Variants in MXI1 observed in about 807,000 individuals in gnomAD.
The protein encoded by MXI1 is MAX interactor 1, dimerization protein, also known as max-interacting protein 1.
MXI1 carries 18 observed loss-of-function variants against 36.9 expected under a neutral mutation model. The observed-to-expected ratio is 0.49, with a 90% CI of 0.34 to 0.72. The LOEUF (loss-of-function observed/expected upper bound fraction) is 0.72, where lower values mean the gene tolerates loss of function less well. Ranked by LOEUF, MXI1 falls within the 30% of genes least tolerant of loss-of-function variation. The pLI is 0.01. For synonymous variants in MXI1, 160 were observed against 146.7 expected (o/e 1.09, Z -0.65); for missense variants, 304 against 379.1 (o/e 0.80, Z 1.64).
Position 110,285,225 on chromosome 10 carries a change from A to G in MXI1, c.*238A>G, listed in dbSNP as rs987292130. The G allele has an allele frequency of 8.5e-6, 3 of 352,012 alleles. No individual in the cohort carries two copies. Among genetic ancestry groups the G allele is most frequent in the Admixed American group, 4.6e-5 (1 of 21,528 alleles). The allele number at this position is 352,012 out of a possible 1,614,324, so 21.8% of individuals were successfully genotyped here. On this transcript the variant is annotated 3_prime_UTR_variant, in exon 6 of 6. Coordinates refer to ENST00000332674, the MANE Select transcript of MXI1 (RefSeq NM_130439.3). Reference sequence around the variant, plus strand: ...GAATATTCATATTGGAAAAATCACAATTTTTAATGGCAGCAGAAAACTTGT... The same window carrying G: ...GAATATTCATATTGGAAAAATCACAGTTTTTAATGGCAGCAGAAAACTTGT...
chr10:110,212,776 C>T (rs373222848), intron 1 of MXI1, among the ~76,000 whole-genome samples: 3 of 152,300 alleles, frequency 2.0e-5, no homozygotes, highest in East Asian at 3.9e-4. Context: ...AAATATTTAA[C>T]GTACCTGAGA....
intron 1 of MXI1, 22 bp from the exon 2 acceptor site, chr10:110,228,167 C>G: frequency 1.2e-6 from 2 of 1,612,998 alleles, no homozygotes; most frequent in Non-Finnish European, 1.7e-6. Context: ...CTTACCGTAT[C>G]TTTTTTTCTT....
chr10:110,270,907 T>C (rs1334522305), intron 3 of MXI1, among the ~76,000 whole-genome samples: 2 of 151,982 alleles, frequency 1.3e-5, no homozygotes, highest in African/African-American at 4.8e-5. Context: ...CTGGGCAATA[T>C]GGTGAAACCC....
At chr10:110,252,252 C>T (rs550897227) in intron 3 of MXI1, among the ~76,000 whole-genome samples, 3 of 152,152 alleles carry the variant, frequency 2.0e-5, no homozygotes, top group Non-Finnish European at 4.4e-5. Flanking sequence ...CCTACTGCAG[C>T]AAGGAAAAAA....
Position 110,209,676 on chromosome 10 carries a change from G to A in MXI1, c.274+1594G>A, listed in dbSNP as rs538262752. On this transcript the variant is annotated intron_variant, in intron 1 of 5. Transcript: ENST00000332674. ...GCTGGTCGGAGGGGGATGGGGCGCG[G>A]GAAGCTATGTGTGCATTTGTCTGGA... Among the ~76,000 whole-genome samples, 49 of 152,256 alleles carry A rather than the reference G, an allele frequency of 3.2e-4. 1 individual carries two copies. The South Asian group carries it at 9.5e-3, about 30-fold the overall frequency.
chr10:110,262,236 T>C (rs578101592), intron 3 of MXI1, among the ~76,000 whole-genome samples: 2 of 152,268 alleles, frequency 1.3e-5, no homozygotes, highest in East Asian at 3.9e-4. Flanking sequence ...AACAATACAA[T>C]ATAACAACTA....
intron 4 of MXI1, 117 bp from the exon 5 acceptor site, chr10:110,279,797 A>G (rs553800205): frequency 2.0e-5 from 13 of 634,788 alleles, no homozygotes; most frequent in Admixed American, 1.9e-4. Context: ...GTATTTATAT[A>G]TTTTTATACA....
Position 110,253,349 on chromosome 10 carries a change from C to T in MXI1, c.437+8492C>T, listed in dbSNP as rs76929255. ...TGGTCTGCCTTATCTTAGAACAAAA[C>T]GTAAGAGTAAATCTTTATGACTGAG... On this transcript the variant is annotated intron_variant, in intron 3 of 5. Transcript: ENST00000332674. Among the ~76,000 whole-genome samples, 773 of 151,998 alleles carry T rather than the reference C, an allele frequency of 5.1e-3. 1 individual carries two copies. Among genetic ancestry groups the T allele is most frequent in the African/African-American group, 0.017 (701 of 41,476 alleles).
intron 1 of MXI1, among the ~76,000 whole-genome samples, chr10:110,224,296 T>C (rs80125442): frequency 0.017 from 2,514 of 152,304 alleles, 51 homozygotes; most frequent in African/African-American, 0.056. Flanking sequence ...CCTAGAGCAT[T>C]CAAGTACGAT....
intron 2 of MXI1, among the ~76,000 whole-genome samples, chr10:110,234,226 C>T (rs896124209): frequency 4.6e-5 from 7 of 152,054 alleles, no homozygotes; most frequent in African/African-American, 1.7e-4. Context: ...AAGAACATTG[C>T]CTGCTTTTGA....
At chr10:110,229,169 A>G (rs1225713764) in intron 2 of MXI1, among the ~76,000 whole-genome samples, 1 of 152,244 alleles carries the variant, frequency 6.6e-6, no homozygotes, top group Non-Finnish European at 1.5e-5. Context: ...GTGAATTCCT[A>G]GGATTCATCT....
chr10:110,254,964 GGCAACA>G, intron 3 of MXI1, among the ~76,000 whole-genome samples: 1 of 151,964 alleles, frequency 6.6e-6, no homozygotes, highest in African/African-American at 2.4e-5. Flanking sequence ...CAACGAAGGT[GGCAACA>G]GATTTTCAAA....
chr10:110,222,405 G>C (rs148644983), intron 1 of MXI1, among the ~76,000 whole-genome samples: 4 of 152,152 alleles, frequency 2.6e-5, no homozygotes, highest in Non-Finnish European at 5.9e-5. Flanking sequence ...TCGCCTCCCT[G>C]AAGAAAAGAT....
chr10:110,281,128 TTAGAA>T (rs1347929613), intron 5 of MXI1, among the ~76,000 whole-genome samples: 14 of 152,324 alleles, frequency 9.2e-5, no homozygotes, highest in South Asian at 8.3e-4. Flanking sequence ...TCAAACATAC[TTAGAA>T]TAGAATAATG....
chr10:110,224,010 A>AAAGAAAACAAAAGGTATGAGGGAAAGGT (rs1166319202), intron 1 of MXI1, among the ~76,000 whole-genome samples: 30 of 152,268 alleles, frequency 2.0e-4, no homozygotes, highest in African/African-American at 7.2e-4. Flanking sequence ...AGAAAAGAAA[A>AAAGAAAACAAAAGGTATGAGGGAAAGGT]AAGAAAACAA....
chr10:110,209,503 A>G (rs543906783), intron 1 of MXI1, among the ~76,000 whole-genome samples: 1 of 152,370 alleles, frequency 6.6e-6, no homozygotes, highest in African/African-American at 2.4e-5. Context: ...GCAATTGTGC[A>G]GACGCTGTAA....
intron 2 of MXI1, among the ~76,000 whole-genome samples, chr10:110,232,533 C>CA (rs1238621088): frequency 6.6e-6 from 1 of 152,054 alleles, no homozygotes; most frequent in East Asian, 1.9e-4. Context: ...TACAGTTATC[C>CA]AGTTGTTTCT....
chr10:110,224,758 G>C (rs990833922), intron 1 of MXI1, among the ~76,000 whole-genome samples: 1 of 150,908 alleles, frequency 6.6e-6, no homozygotes, highest in African/African-American at 2.4e-5. Context: ...AGCGATTCTC[G>C]TGCCTCAGCC....
intron 3 of MXI1, among the ~76,000 whole-genome samples, chr10:110,277,234 C>T (rs964393609): frequency 6.6e-6 from 1 of 152,200 alleles, no homozygotes; most frequent in South Asian, 2.1e-4. Context: ...ACAAGGTATT[C>T]TTGCGGTAAT....
Sources: gnomAD v4.1 joint callset for allele counts (sites outside exome capture counted in the v4.1 genomes callset) on GRCh38, gnomAD v4.1.1 for gene constraint, MANE v1.5 for transcripts, NCBI Gene and HGNC (gene_info 2026-07-23, HGNC 2026-07-21) for gene names.